The following WDR49 variants were observed in gnomAD, a reference collection of about 807,000 sequenced individuals.
The protein encoded by WDR49 is cilia- and flagella-associated protein 337.
Under a neutral mutation model 119.5 loss-of-function variants are expected in WDR49, and 107 were observed. The observed-to-expected ratio is 0.90, with a 90% CI of 0.77 to 1.05. WDR49 has a LOEUF of 1.05. Among genes scored for constraint, WDR49 ranks in the 50% least tolerant of loss-of-function variants. WDR49 has a pLI of 0.00. For synonymous variants in WDR49, 425 were observed against 418.8 expected (o/e 1.01, Z -0.18); for missense variants, 1,240 against 1,220.5 (o/e 1.02, Z -0.24).
intron 10 of WDR49, among the ~76,000 whole-genome samples, chr3:167,540,885 C>T (rs1377120015): frequency 6.6e-6 from 1 of 151,846 alleles, no homozygotes; most frequent in Non-Finnish European, 1.5e-5. Context: ...AAATGAAAGA[C>T]ACACTTAAAG....
intron 8 of WDR49, among the ~76,000 whole-genome samples, chr3:167,572,545 T>C (rs1452837428): frequency 6.6e-6 from 1 of 152,192 alleles, no homozygotes; most frequent in Non-Finnish European, 1.5e-5. Flanking sequence ...TGAAAAAGCA[T>C]TGCTTTCTGT....
intron 7 of WDR49, among the ~76,000 whole-genome samples, chr3:167,578,792 T>C (rs189359777): frequency 6.6e-6 from 1 of 152,190 alleles, no homozygotes; most frequent in Admixed American, 6.5e-5. Context: ...AGCCTCTCCA[T>C]CATGCTTTTC....
intron 18 of WDR49, among the ~76,000 whole-genome samples, chr3:167,484,142 T>C (rs897896289): frequency 2.0e-5 from 3 of 152,198 alleles, no homozygotes; most frequent in African/African-American, 7.2e-5. Flanking sequence ...TCCACAGTTA[T>C]GAAGTCAAAT....
intron 6 of WDR49, among the ~76,000 whole-genome samples, chr3:167,604,045 C>T (rs935470137): frequency 6.6e-6 from 1 of 151,970 alleles, no homozygotes; most frequent in Non-Finnish European, 1.5e-5. Context: ...TCATTTTACA[C>T]CCTTCACCAA....
chr3:167,627,163 C>T lies in WDR49; in HGVS notation c.295G>A (p.Gly99Ser). Residue 99 changes from glycine (G) to serine (S), a missense_variant, in exon 3 of 19, where the codon GGC (glycine) becomes AGC (serine). Coordinates refer to ENST00000682715, the MANE Select transcript of WDR49 (RefSeq NM_001366157.1). ...GTCAGCTTGTCCCAATTAATGAAGC[C>T]ATCTTGGGCCACATCCACTTTGTCA... ...LFDKVDVAQD[G>S]FINWDKLTSF... The T allele has an allele frequency of 1.6e-6, 2 of 1,260,400 alleles. No homozygotes were observed. The highest frequency in any genetic ancestry group is 4.0e-5 in the Admixed American group (1 of 25,226). The allele number at this position is 1,260,400 out of a possible 1,614,324, so 78.1% of individuals were successfully genotyped here.
At chr3:167,580,673 A>G (rs1481853745) in intron 7 of WDR49, among the ~76,000 whole-genome samples, 2 of 152,186 alleles carry the variant, frequency 1.3e-5, no homozygotes, top group African/African-American at 2.4e-5. Context: ...ATATCCTTCT[A>G]ATCATAAAAG....
upstream of WDR49, among the ~76,000 whole-genome samples, chr3:167,655,039 G>C (rs969587195): frequency 4.6e-5 from 7 of 152,156 alleles, no homozygotes; most frequent in South Asian, 2.1e-4. Context: ...ACATACCTGA[G>C]ACTGGGTAAT....
rs1234485408 is a variant in WDR49 at position 167,551,392 on chromosome 3, CAT to C, written c.1823+3256_1823+3257del. On this transcript the variant is annotated intron_variant, in intron 10 of 18. Transcript: ENST00000682715. Reference sequence around the variant, plus strand: ...CTGAGTTGTTGTTAAGTTGCTACCACATGTTTTTTTGTGTGTTTCTTCATATG... The same window carrying C: ...CTGAGTTGTTGTTAAGTTGCTACCACGTTTTTTTGTGTGTTTCTTCATATG... Among the ~76,000 whole-genome samples, 9 of 152,116 alleles carry C rather than the reference CAT, an allele frequency of 5.9e-5. No homozygotes were observed. In the East Asian group the frequency reaches 1.4e-3, roughly 23 times the overall value.
intron 11 of WDR49, among the ~76,000 whole-genome samples, chr3:167,536,029 A>C (rs1248527417): frequency 2.0e-5 from 3 of 152,092 alleles, no homozygotes; most frequent in Non-Finnish European, 4.4e-5. Context: ...GAATCTAAAA[A>C]GTTATTCTCA....
At chr3:167,595,314 A>T (rs1419455765) in intron 7 of WDR49, among the ~76,000 whole-genome samples, 2 of 152,212 alleles carry the variant, frequency 1.3e-5, no homozygotes, top group Non-Finnish European at 2.9e-5. Context: ...TACAGATTCA[A>T]TGCCATCCCC....
At chr3:167,615,623 C>A in intron 5 of WDR49, among the ~76,000 whole-genome samples, 1 of 151,178 alleles carries the variant, frequency 6.6e-6, no homozygotes, top group African/African-American at 2.4e-5. Context: ...ACATAAAATC[C>A]CATAGAAGAA....
At chr3:167,528,854 T>C (rs1752737579) in intron 14 of WDR49, among the ~76,000 whole-genome samples, 198 bp downstream of exon 14, 1 of 152,164 alleles carries the variant, frequency 6.6e-6, no homozygotes, top group Non-Finnish European at 1.5e-5. Flanking sequence ...AGGTTGTCAA[T>C]ATTGAGAAAA....
At chr3:167,633,088 C>CGTGTGTGTGT (rs3061397) in intron 2 of WDR49, among the ~76,000 whole-genome samples, 21 of 147,082 alleles carry the variant, frequency 1.4e-4, no homozygotes, top group Middle Eastern at 3.5e-3. Flanking sequence ...TAGCCAAACT[C>CGTGTGTGTGT]GTGTGTGTGT....
At position 167,602,222 on chromosome 3, in the gene WDR49, T is replaced by C. The variant is rs75218075; in HGVS notation, c.1180A>G (p.Lys394Glu). ...VCLWNPYVVS[K>E]PVGVLWGHSA... ...TGGCCCCAAAGGACACCCACTGGTT[T>C]AGAGACAACATAGGGATTCCAAAGG... The change falls in exon 7 of 19, where the codon AAA (lysine) becomes GAA (glutamate). Residue 394 changes from lysine (K) to glutamate (E), a missense_variant. Lys to Glu is a moderately conservative substitution (Grantham distance 56). Coordinates refer to ENST00000682715, the MANE Select transcript of WDR49 (RefSeq NM_001366157.1). The C allele has an allele frequency of 0.011, 18,232 of 1,605,342 alleles. 959 individuals are homozygous for C. In the East Asian group the frequency reaches 0.17, roughly 15 times the overall value.
chr3:167,652,464 C>T (rs1269177573), intron 2 of WDR49, among the ~76,000 whole-genome samples: 1 of 152,114 alleles, frequency 6.6e-6, no homozygotes, highest in Non-Finnish European at 1.5e-5. Context: ...CTTTAGTAAA[C>T]ATAATATAGT....
chr3:167,532,758 C>T, intron 12 of WDR49, 121 bp downstream of exon 12: 2 of 637,520 alleles, frequency 3.1e-6, no homozygotes, highest in Admixed American at 3.1e-5. Context: ...ATCCTTAATC[C>T]TTCAGGCTTA....
At chr3:167,540,220 A>G (rs1162936455) in intron 10 of WDR49, among the ~76,000 whole-genome samples, 1 of 152,202 alleles carries the variant, frequency 6.6e-6, no homozygotes, top group African/African-American at 2.4e-5. Context: ...CTTCACTGTT[A>G]GCATAATGAG....
chr3:167,489,714 T>C (rs1158307672), intron 18 of WDR49, among the ~76,000 whole-genome samples: 1 of 152,068 alleles, frequency 6.6e-6, no homozygotes, highest in African/African-American at 2.4e-5. Context: ...CAACTAACTA[T>C]ATCAGCTGAA....
chr3:167,543,340 A>C (rs1207275320), intron 10 of WDR49, among the ~76,000 whole-genome samples: 1 of 152,036 alleles, frequency 6.6e-6, no homozygotes, highest in East Asian at 1.9e-4. Flanking sequence ...ATAATAAAAA[A>C]AGAAAACTGC....
Sources: gnomAD v4.1 joint callset for allele counts (sites outside exome capture counted in the v4.1 genomes callset) on GRCh38, gnomAD v4.1.1 for gene constraint, MANE v1.5 for transcripts, NCBI Gene and HGNC (gene_info 2026-07-23, HGNC 2026-07-21) for gene names.